The following HIP1R variants were observed in gnomAD, a reference collection of about 807,000 sequenced individuals.
HIP1R encodes huntingtin interacting protein 1 related.
In HIP1R, 135 loss-of-function variants were observed where a neutral mutation model predicts 144.2. The observed-to-expected ratio is 0.94, with a 90% confidence interval of 0.81 to 1.08. The LOEUF (loss-of-function observed/expected upper bound fraction) is 1.08, where lower values mean the gene tolerates loss of function less well. Among genes scored for constraint, HIP1R ranks in the 50% least tolerant of loss-of-function variants. The pLI is 0.00. For synonymous variants in HIP1R, 698 were observed against 612.8 expected (o/e 1.14, Z -2.05); for missense variants, 1,462 against 1,432.8 (o/e 1.02, Z -0.33).
At chr12:122,844,478 G>A (rs76001867) in intron 1 of HIP1R, among the ~76,000 whole-genome samples, 2 of 152,202 alleles carry the variant, frequency 1.3e-5, no homozygotes, top group Non-Finnish European at 2.9e-5. Context: ...CCCTGACCCA[G>A]CCAGACACCC....
chr12:122,861,363 A>G lies in HIP1R; in HGVS notation c.3008A>G (p.Glu1003Gly), dbSNP rs2033765621. Residue 1003 changes from glutamate to glycine, a missense_variant, in exon 31 of 32, where the codon GAG (glutamate) becomes GGG (glycine). By Grantham distance (98) the Glu-to-Gly change is moderately conservative. Transcript: ENST00000253083. ...TLEAERMRLG[E>G]LRKQHYVLAG... ...GAGGCTGAACGCATGCGGCTGGGGG[A>G]GTTGCGGAAGCAACACTACGTGCTG... 1.9e-6 allele frequency: 3 copies of G among 1,613,364 alleles called. No individual in the cohort carries two copies. Among genetic ancestry groups the G allele is most frequent in the Non-Finnish European group, 1.7e-6 (2 of 1,179,890 alleles).
intron 12 of HIP1R, 78 bp from the exon 13 acceptor site, chr12:122,855,753 G>C: frequency 6.6e-7 from 1 of 1,519,832 alleles, no homozygotes; most frequent in Non-Finnish European, 8.9e-7. Flanking sequence ...TGGCCACTGA[G>C]GAGGAGACAG....
At chr12:122,860,624 T>C (rs2033740736) in intron 27 of HIP1R, 55 bp from the exon 28 acceptor site, 3 of 1,570,788 alleles carry the variant, frequency 1.9e-6, no homozygotes, top group Admixed American at 3.3e-5. Flanking sequence ...TGTGGAGTGG[T>C]GCCAGCCGTC....
chr12:122,847,051 G>T (rs1270766301), intron 1 of HIP1R, among the ~76,000 whole-genome samples: 1 of 152,206 alleles, frequency 6.6e-6, no homozygotes, highest in African/African-American at 2.4e-5. Flanking sequence ...GAGGCTGGGG[G>T]CTGCGTGTCC....
In HIP1R at chr12:122,855,870, G is replaced by C. The variant is rs1280064446; in HGVS notation, c.1095G>C (p.Met365Ile). 2.0e-6 allele frequency: 3 copies of C among 1,532,278 alleles called. No homozygotes were observed. The highest frequency in any genetic ancestry group is 1.4e-5 in the African/African-American group (1 of 72,414). 94.9% of individuals were successfully genotyped at this position (1,532,278 alleles called of 1,614,324 possible). ...AGAGCTTGAAGAGAGAGGTGGAAAT[G>C]CTCCGCTCTGAACTGGAGAAGATCA... ...QIESLKREVEMLRSELEKIKL... is the reference protein window; with the variant it reads ...QIESLKREVEILRSELEKIKL... Residue 365 changes from methionine (M) to isoleucine (I), a missense_variant, in exon 13 of 32, where the codon ATG (methionine) becomes ATC (isoleucine). Physicochemically the swap from Met to Ile is conservative, Grantham distance 10. Transcript: ENST00000253083.
At chr12:122,859,260 T>A (rs2033689486) in intron 22 of HIP1R, 63 bp downstream of exon 22, 1 of 1,531,506 alleles carries the variant, frequency 6.5e-7, no homozygotes, top group Admixed American at 2.0e-5. Context: ...TGCACCCACC[T>A]CTGGGTTGGC....
chr12:122,848,100 C>G lies in HIP1R; in HGVS notation c.157+6C>G. The G allele has an allele frequency of 6.2e-7, 1 of 1,613,274 alleles. No homozygotes were observed. Among genetic ancestry groups the G allele is most frequent in the Non-Finnish European group, 8.5e-7 (1 of 1,179,854 alleles). On this transcript the variant is annotated splice_donor_region_variant and intron_variant, in intron 2 of 31. Transcript: ENST00000253083. ...GAAGGAGAAGCACGCCCGGCGTATC[C>G]TTGGCCGGCTCTTGGACCCAGGAGT...
intron 1 of HIP1R, among the ~76,000 whole-genome samples, chr12:122,843,894 C>G (rs1388338024): frequency 2.6e-5 from 4 of 152,154 alleles, no homozygotes; most frequent in African/African-American, 4.8e-5. Flanking sequence ...CTCTGTTGCC[C>G]AGGCTGGAGT....
intron 7 of HIP1R, among the ~76,000 whole-genome samples, 172 bp downstream of exon 7, chr12:122,851,469 A>G (rs2033392277): frequency 6.6e-6 from 1 of 152,118 alleles, no homozygotes; most frequent in Non-Finnish European, 1.5e-5. Flanking sequence ...AGGCCGAGGC[A>G]GGCAGATTGC....
rs925285891 is a variant in HIP1R at position 122,856,477 on chromosome 12, G to C, written c.1447G>C (p.Glu483Gln). Reference protein sequence around the residue: ...KQLTVTQQSQEEVARVKEQLA... With the variant: ...KQLTVTQQSQQEVARVKEQLA... ...GCTGACGGTGACGCAGCAAAGCCAG[G>C]AGGAGGTGGCGCGGGTGAAGGAGCA... is the stretch of plus-strand genomic sequence containing the variant. The change falls in exon 16 of 32, where the codon GAG becomes CAG. Residue 483 changes from glutamate (E) to glutamine (Q), a missense_variant. Coordinates refer to ENST00000253083, the MANE Select transcript of HIP1R (RefSeq NM_003959.3). The C allele has an allele frequency of 1.1e-5, 18 of 1,590,564 alleles. No homozygotes were observed. Among genetic ancestry groups the C allele is most frequent in the Non-Finnish European group, 1.5e-5 (18 of 1,168,080 alleles).
chr12:122,859,163 G>A lies in HIP1R; in HGVS notation c.2261G>A (p.Arg754Gln), dbSNP rs373589356. 11 of 1,577,358 alleles carry A rather than the reference G, an allele frequency of 7.0e-6. 1 individual carries two copies. The highest frequency in any genetic ancestry group is 5.4e-5 in the African/African-American group (4 of 74,332). ...ALRHMQASLVRTPLQGILQLG... is the reference protein window; with the variant it reads ...ALRHMQASLVQTPLQGILQLG... ...CGGCACATGCAGGCCAGCCTGGTGCGGACACCCCTGCAGGGCATCCTTCAG... is the reference window on the plus strand; with the variant it reads ...CGGCACATGCAGGCCAGCCTGGTGCAGACACCCCTGCAGGGCATCCTTCAG... The change falls in exon 22 of 32, where the codon CGG becomes CAG. Residue 754 changes from arginine (R) to glutamine (Q), a missense_variant. By Grantham distance (43) the Arg-to-Gln change is conservative. Transcript: ENST00000253083.
At chr12:122,849,665 T>C (rs528578039) in intron 4 of HIP1R, among the ~76,000 whole-genome samples, 43 of 152,386 alleles carry the variant, frequency 2.8e-4, no homozygotes, top group African/African-American at 1.0e-3. Context: ...CAAAGAGCTC[T>C]CTTCTCACAA....
At chr12:122,857,656 A>C (rs1220449655) in intron 18 of HIP1R, 2 of 294,274 alleles carry the variant, frequency 6.8e-6, no homozygotes, top group Non-Finnish European at 1.3e-5. Flanking sequence ...AGAAACTACC[A>C]GACTGTTTTC....
In HIP1R at chr12:122,836,437, G is replaced by C. The variant is rs1301937659; in HGVS notation, c.93+794G>C. On this transcript the variant is annotated intron_variant, in intron 1 of 31. Transcript: ENST00000253083. The surrounding 1 kb of genome is among the most constrained non-coding windows in gnomAD (Gnocchi z 4.1). ...AAGGCGTTAGAAATGAAATAAGGGC[G>C]CGGGTGTGCGTTTTGTACTTGTGTT... 1.3e-5 allele frequency among the ~76,000 whole-genome samples: 2 copies of C among 152,146 alleles called. No individual in the cohort carries two copies. Among genetic ancestry groups the C allele is most frequent in the African/African-American group, 4.8e-5 (2 of 41,430 alleles).
intron 10 of HIP1R, 26 bp downstream of exon 10, chr12:122,855,154 G>T (rs1158268618): frequency 3.1e-6 from 5 of 1,610,056 alleles, no homozygotes. Flanking sequence ...GGGCCCCGAG[G>T]CCCTTTGAGG....
At position 122,860,434 on chromosome 12, in the gene HIP1R, G is replaced by GCAGCAGGAA; in HGVS notation, c.2572_2580dup (p.Gln858_Glu860dup). The GCAGCAGGAA allele has an allele frequency of 6.2e-7, 1 of 1,613,402 alleles. No individual in the cohort carries two copies. Among genetic ancestry groups the GCAGCAGGAA allele is most frequent in the East Asian group, 2.2e-5 (1 of 44,874 alleles). On this transcript the variant is annotated inframe_insertion, in exon 27 of 32. Coordinates refer to ENST00000253083, the MANE Select transcript of HIP1R (RefSeq NM_003959.3). ...CCCGTCGCCACTAGGGGGCAGCCAC[G>GCAGCAGGAA]CAGCAGGAATTTTACGCCAAGAACT...
chr12:122,858,526 A>C (rs1230736965), intron 20 of HIP1R, 91 bp downstream of exon 20: 2 of 1,058,850 alleles, frequency 1.9e-6, no homozygotes, highest in Non-Finnish European at 2.7e-6. Flanking sequence ...GTTTACAGAC[A>C]GCAGGGACCT....
chr12:122,850,883 A>G lies in HIP1R; in HGVS notation c.487A>G (p.Lys163Glu). The G allele has an allele frequency of 7.4e-6, 12 of 1,610,868 alleles. No homozygotes were observed. Among genetic ancestry groups the G allele is most frequent in the Non-Finnish European group, 1.0e-5 (12 of 1,179,032 alleles). ...GLEVTDEVLE[K>E]AAGTDVNNIF... ...GGAGGTGACAGATGAGGTACTGGAG[A>G]AGGCAGCTGGGACCGATGTCAACAA... Residue 163 changes from lysine (K) to glutamate (E), a missense_variant, in exon 6 of 32, where the codon AAG becomes GAG. Physicochemically the swap from Lys to Glu is moderately conservative, Grantham distance 56. Around this residue, in one of 2 missense-constraint regions of HIP1R, gnomAD observed 350 missense variants for 421.1 expected, o/e 0.83. Transcript: ENST00000253083.
At position 122,836,293 on chromosome 12, in the gene HIP1R, C is replaced by T. The variant is rs1266057966; in HGVS notation, c.93+650C>T. 5.3e-5 allele frequency among the ~76,000 whole-genome samples: 8 copies of T among 152,188 alleles called. No homozygotes were observed. The highest frequency in any genetic ancestry group is 8.8e-5 in the Non-Finnish European group (6 of 68,026). The stretch of plus-strand genomic sequence containing the variant: ...GACTTGTTTGCCCGAGCGCTGCCCA[C>T]GTATAAATAGGTGCACACCCCCTCA... On this transcript the variant is annotated intron_variant, in intron 1 of 31. Coordinates refer to ENST00000253083, the MANE Select transcript of HIP1R (RefSeq NM_003959.3). The surrounding 1 kb of genome is among the most constrained non-coding windows in gnomAD (Gnocchi z 4.1).
Sources: gnomAD v4.1 joint callset for allele counts (sites outside exome capture counted in the v4.1 genomes callset) on GRCh38, gnomAD v4.1.1 for gene constraint, gnomAD v4.1.1 regional missense constraint, Gnocchi (gnomAD v3.1) non-coding constraint, MANE v1.5 for transcripts, NCBI Gene and HGNC (gene_info 2026-07-23, HGNC 2026-07-21) for gene names.